ATAD2B: variants seen among roughly 807,000 people sequenced by gnomAD.
The protein encoded by ATAD2B is ATPase family AAA domain-containing protein 2B.
ATAD2B carries 40 observed loss-of-function variants against 167.6 expected under a neutral mutation model. The ratio of observed to expected loss-of-function variants is 0.24; its 90% CI spans 0.19 to 0.31. The LOEUF (loss-of-function observed/expected upper bound fraction) is 0.31, where lower values mean the gene tolerates loss of function less well. Among genes scored for constraint, ATAD2B ranks in the 10% least tolerant of loss-of-function variants. The pLI, the probability that ATAD2B is intolerant of heterozygous loss-of-function variation, is 1.00. For missense variants in ATAD2B, 1,242 were observed against 1,757.2 expected (o/e 0.71, Z 5.24); for synonymous variants, 579 against 596.5 (o/e 0.97, Z 0.43).
chr2:23,780,267 T>TTGTGTGTGTGTG (rs67788174), intron 22 of ATAD2B, among the ~76,000 whole-genome samples: 35 of 144,082 alleles, frequency 2.4e-4, no homozygotes, highest in Middle Eastern at 3.5e-3. Flanking sequence ...AAGTATATAC[T>TTGTGTGTGTGTG]TGTGTGTGTG....
chr2:23,842,297 C>G (rs1016615184), intron 13 of ATAD2B, among the ~76,000 whole-genome samples: 3 of 152,028 alleles, frequency 2.0e-5, no homozygotes, highest in Non-Finnish European at 2.9e-5. Flanking sequence ...AATGATTACT[C>G]TAGAAATTCA....
intron 15 of ATAD2B, among the ~76,000 whole-genome samples, chr2:23,824,539 T>C (rs1209603077): frequency 6.6e-6 from 1 of 152,228 alleles, no homozygotes. Context: ...CATCTGATAG[T>C]TCCAAATATA....
chr2:23,814,056 T>C (rs1240717970), intron 17 of ATAD2B, among the ~76,000 whole-genome samples: 1 of 152,070 alleles, frequency 6.6e-6, no homozygotes, highest in East Asian at 1.9e-4. Flanking sequence ...AGTTCAAGAC[T>C]ACCCTGGGCG....
chr2:23,802,543 T>C (rs1220877667), intron 18 of ATAD2B, among the ~76,000 whole-genome samples: 1 of 152,062 alleles, frequency 6.6e-6, no homozygotes, highest in African/African-American at 2.4e-5. Context: ...ATCACTTAAA[T>C]TCTTTTTCTA....
At chr2:23,722,168 C>G in the ATAD2B span, among the ~76,000 whole-genome samples, 2 of 152,174 alleles carry the variant, frequency 1.3e-5, no homozygotes, top group African/African-American at 4.8e-5. Context: ...CCATAGAAAT[C>G]AGCATAAGGA....
At chr2:23,839,951 A>G (rs1025378540) in intron 13 of ATAD2B, among the ~76,000 whole-genome samples, 3 of 152,216 alleles carry the variant, frequency 2.0e-5, no homozygotes, top group Non-Finnish European at 4.4e-5. Context: ...ATTACTTTGC[A>G]TTACTTAAAA....
Position 23,823,589 on chromosome 2 carries a change from G to C in ATAD2B, c.1820-20C>G. 1 of 1,596,920 alleles carries C rather than the reference G, an allele frequency of 6.3e-7. No individual in the cohort carries two copies. The highest frequency in any genetic ancestry group is 8.6e-7 in the Non-Finnish European group (1 of 1,169,070). On this transcript the variant is annotated intron_variant, in intron 15 of 27. Transcript: ENST00000238789. ...AGTAGCCTAATACACAAAAGGAGAA[G>C]GATAGCAAAGGTACATTCATTATTC...
At chr2:23,838,360 T>C (rs890841661) in intron 13 of ATAD2B, among the ~76,000 whole-genome samples, 1 of 152,200 alleles carries the variant, frequency 6.6e-6, no homozygotes, top group Non-Finnish European at 1.5e-5. Context: ...TTTAAGTGTC[T>C]TGTAACTGAA....
At chr2:23,911,350 T>A (rs1215234395) in intron 1 of ATAD2B, among the ~76,000 whole-genome samples, 1 of 151,320 alleles carries the variant, frequency 6.6e-6, no homozygotes, top group Non-Finnish European at 1.5e-5. Context: ...AGCCCAGGAG[T>A]TTGAAACCAG....
At chr2:23,686,292 G>A in the ATAD2B span, among the ~76,000 whole-genome samples, 1 of 152,250 alleles carries the variant, frequency 6.6e-6, no homozygotes, top group South Asian at 2.1e-4. Context: ...GAGAACAGTA[G>A]GATGTGTCTC....
chr2:23,905,804 T>A (rs992366625), intron 1 of ATAD2B, among the ~76,000 whole-genome samples: 1 of 152,228 alleles, frequency 6.6e-6, no homozygotes, highest in Non-Finnish European at 1.5e-5. Flanking sequence ...ACAAAATTTA[T>A]TAAGTGCCTG....
intron 24 of ATAD2B, among the ~76,000 whole-genome samples, chr2:23,758,810 T>C (rs908846512): frequency 6.6e-6 from 1 of 152,038 alleles, no homozygotes; most frequent in Admixed American, 6.6e-5. Context: ...AACAACAACA[T>C]AAACAAAACA....
intron 22 of ATAD2B, among the ~76,000 whole-genome samples, chr2:23,778,630 C>T (rs1679528947): frequency 6.6e-6 from 1 of 152,164 alleles, no homozygotes; most frequent in Non-Finnish European, 1.5e-5. Context: ...CATGTCCCAG[C>T]TACTCTGCTA....
At chr2:23,885,871 AC>A in intron 4 of ATAD2B, 42 bp from the exon 5 acceptor site, 2 of 1,173,634 alleles carry the variant, frequency 1.7e-6, no homozygotes, top group African/African-American at 1.5e-5. Flanking sequence ...CAATGGTGGC[AC>A]CATATACATA....
intron 1 of ATAD2B, among the ~76,000 whole-genome samples, chr2:23,923,776 G>A (rs1221014825): frequency 6.6e-6 from 1 of 152,032 alleles, no homozygotes; most frequent in African/African-American, 2.4e-5. Context: ...TTTAAGAAAA[G>A]CTCATAGCGC....
the ATAD2B span, among the ~76,000 whole-genome samples, chr2:23,728,165 C>T: frequency 3.3e-5 from 5 of 151,600 alleles, no homozygotes; most frequent in African/African-American, 7.3e-5. Flanking sequence ...GAGTGGGAGA[C>T]GAGATGTAAG....
At chr2:23,754,828 G>A in intron 25 of ATAD2B, 54 bp from the exon 26 acceptor site, 1 of 1,537,064 alleles carries the variant, frequency 6.5e-7, no homozygotes. Flanking sequence ...AGAAAAACCA[G>A]TCTTAAGCAG....
At chr2:23,807,293 C>T (rs1201791561) in intron 18 of ATAD2B, among the ~76,000 whole-genome samples, 1 of 20,262 alleles carries the variant, frequency 4.9e-5, no homozygotes, top group Non-Finnish European at 1.4e-4. Context: ...CACACACATA[C>T]ACACACTAGA....
At chr2:23,684,554 G>A in the ATAD2B span, 1 of 1,541,536 alleles carries the variant, frequency 6.5e-7, no homozygotes, top group Non-Finnish European at 8.7e-7. This position sits in a 1 kb window ranked among gnomAD's most constrained non-coding sequence, Gnocchi z 4.4. Flanking sequence ...CTTCCTTCCA[G>A]CTGTGGTCGG....
Sources: allele counts gnomAD v4.1 joint callset (sites outside exome capture counted in the v4.1 genomes callset), GRCh38; gene constraint gnomAD v4.1.1; non-coding constraint Gnocchi (gnomAD v3.1); transcripts MANE v1.5; gene names NCBI Gene and HGNC (gene_info 2026-07-23, HGNC 2026-07-21).